Variants in PTP4A1 observed in about 807,000 individuals in gnomAD.
PTP4A1 encodes the protein protein tyrosine phosphatase type IVA 1.
A neutral mutation model predicts 20.5 loss-of-function variants in PTP4A1; 9 were observed. That is an observed-to-expected ratio of 0.44 (90% CI 0.26 to 0.77). The LOEUF (loss-of-function observed/expected upper bound fraction) is 0.77, where lower values mean the gene tolerates loss of function less well. Among genes scored for constraint, PTP4A1 ranks in the 30% least tolerant of loss-of-function variants. The probability of loss-of-function intolerance (pLI) is 0.19; values close to 1 mark genes in which losing one functional copy is unlikely to be tolerated. For synonymous variants in PTP4A1, 78 were observed against 67.4 expected (o/e 1.16, Z -0.77); for missense variants, 137 against 218.8 (o/e 0.63, Z 2.36).
In PTP4A1 at chr6:63,542,022, G is replaced by GGTGTGTGTGTGTGT. The variant is rs72091849; in HGVS notation, c.-639-8251_-639-8238dup. On this transcript the variant is annotated intron_variant, in intron 2 of 3. Coordinates refer to the PTP4A1 transcript ENST00000639568. ...CTCATTTGGTGGATAAAGAAACTGT[G>GGTGTGTGTGTGTGT]GTGTGTGTGTGTGTGTGTGTGTGTG... 4.1e-3 allele frequency among the ~76,000 whole-genome samples: 601 copies of GGTGTGTGTGTGTGT among 146,834 alleles called. 4 individuals carry two copies. Among genetic ancestry groups the GGTGTGTGTGTGTGT allele is most frequent in the African/African-American group, 0.014 (549 of 39,538 alleles).
intron 2 of PTP4A1, among the ~76,000 whole-genome samples, chr6:63,539,042 G>A (rs567200420): frequency 1.1e-4 from 16 of 152,042 alleles, no homozygotes; most frequent in South Asian, 8.3e-4. Flanking sequence ...ACAGGTGTGC[G>A]CCACCATACC....
chr6:63,542,334 C>G (rs933685240), intron 2 of PTP4A1, among the ~76,000 whole-genome samples: 1 of 151,532 alleles, frequency 6.6e-6, no homozygotes. Flanking sequence ...GTATACTGCT[C>G]GGGTGATGGG....
intron 1 of PTP4A1, chr6:63,527,727 A>G (rs1403471001): frequency 6.6e-6 from 1 of 152,206 alleles, no homozygotes; most frequent in Non-Finnish European, 1.5e-5. Context: ...GCTCTTTCAC[A>G]TACATTGCAT....
At chr6:63,559,718 C>T (rs891517056) in intron 3 of PTP4A1, among the ~76,000 whole-genome samples, 2 of 151,770 alleles carry the variant, frequency 1.3e-5, no homozygotes, top group South Asian at 2.1e-4. Context: ...GCACTCCAGC[C>T]TGGGTGACAG....
rs972471212 is a variant in PTP4A1, at chr6:63,548,893, G to C, written c.-639-1407G>C. 6 of 852,348 alleles carry C rather than the reference G, an allele frequency of 7.0e-6. No individual in the cohort carries two copies. The African/African-American group carries it at 9.9e-5, about 14-fold the overall frequency. The allele number at this position is 852,348 out of a possible 1,614,324, so 52.8% of individuals were successfully genotyped here. A position where few individuals can be genotyped will look rare whatever the true frequency, so the allele number is the denominator to read the frequency against. ...GCGCCTTTGTCTTCTGAGTTAACCT[G>C]TATGAAGGCGACAGTGGTGCAGGTC... On this transcript the variant is annotated intron_variant, in intron 2 of 3. Transcript: ENST00000639568.
In PTP4A1 at chr6:63,557,427, T is replaced by C. The variant is rs578008780; in HGVS notation, c.-446+6934T>C. On this transcript the variant is annotated intron_variant, in intron 3 of 3. Transcript: ENST00000639568. ...CTAAAAATACAAAAATTATCTGGTGTAGTGTGCGTGCCTGTAATCCCAGCT... is the reference window on the plus strand; with the variant it reads ...CTAAAAATACAAAAATTATCTGGTGCAGTGTGCGTGCCTGTAATCCCAGCT... 3.9e-5 allele frequency among the ~76,000 whole-genome samples: 6 copies of C among 151,922 alleles called. 1 individual carries two copies. The highest frequency in any genetic ancestry group is 1.4e-4 in the African/African-American group (6 of 41,444).
intron 1 of PTP4A1, among the ~76,000 whole-genome samples, chr6:63,574,817 G>T (rs1417396810): frequency 6.6e-6 from 1 of 152,158 alleles, no homozygotes; most frequent in Non-Finnish European, 1.5e-5. Flanking sequence ...AGAATTTGGG[G>T]TGAAAGTATA....
At chr6:63,569,966 G>T (rs1026716133), upstream of PTP4A1, among the ~76,000 whole-genome samples, 6 of 152,204 alleles carry the variant, frequency 3.9e-5, no homozygotes, top group Admixed American at 3.9e-4. Flanking sequence ...CAGCTTAAAA[G>T]TATTAAACTA....
Position 63,547,401 on chromosome 6 carries a change from G to A in PTP4A1, c.-639-2899G>A, listed in dbSNP as rs192306034. Reference sequence around the variant, plus strand: ...GATAGGATTTCACCATGTTGGCCAGGCTGGTCTTGAACTCCTGACCTCAAG... The same window carrying A: ...GATAGGATTTCACCATGTTGGCCAGACTGGTCTTGAACTCCTGACCTCAAG... On this transcript the variant is annotated intron_variant, in intron 2 of 3. Transcript: ENST00000639568. Among the ~76,000 whole-genome samples, 909 of 151,406 alleles carry A rather than the reference G, an allele frequency of 6.0e-3. 5 individuals carry two copies. The highest frequency in any genetic ancestry group is 9.1e-3 in the Non-Finnish European group (618 of 67,928).
At chr6:63,569,472 G>T (rs764100686), upstream of PTP4A1, among the ~76,000 whole-genome samples, 1 of 152,122 alleles carries the variant, frequency 6.6e-6, no homozygotes, top group East Asian at 1.9e-4. Context: ...GACCAGGCTG[G>T]TCTTGAACTC....
At chr6:63,578,783 G>T in intron 3 of PTP4A1, 115 bp from the exon 4 acceptor site, 1 of 1,177,158 alleles carries the variant, frequency 8.5e-7, no homozygotes, top group Non-Finnish European at 1.1e-6. Context: ...AATAAGATTT[G>T]ATTAAACATT....
intron 2 of PTP4A1, among the ~76,000 whole-genome samples, chr6:63,544,128 A>G (rs532796267): frequency 6.6e-6 from 1 of 152,306 alleles, no homozygotes; most frequent in Admixed American, 6.5e-5. Context: ...GGGAGTAAAG[A>G]CTACCAGACA....
intron 1 of PTP4A1, among the ~76,000 whole-genome samples, chr6:63,526,833 A>ATATATTTATT (rs1486980690): frequency 2.3e-5 from 3 of 128,056 alleles, no homozygotes; most frequent in Non-Finnish European, 4.9e-5. Context: ...ATATATATAT[A>ATATATTTATT]TATTTATTTA....
upstream of PTP4A1, among the ~76,000 whole-genome samples, chr6:63,570,015 T>A (rs1161321708): frequency 6.6e-6 from 1 of 152,214 alleles, no homozygotes; most frequent in Non-Finnish European, 1.5e-5. Context: ...TGAACCACAA[T>A]GGCAGCTGAC....
chr6:63,580,254 T>TAA lies in PTP4A1; in HGVS notation c.*80_*81insAA. ...TATACATATTAGCCAACATGTTGGC[T>TAA]TAGTAAGTCTAATGAAGCTTCCATA... On this transcript the variant is annotated 3_prime_UTR_variant, in exon 6 of 6. Transcript: ENST00000626021. 3.4e-6 allele frequency: 4 copies of TAA among 1,172,152 alleles called. No homozygotes were observed. The highest frequency in any genetic ancestry group is 5.1e-6 in the Non-Finnish European group (4 of 791,118). The allele number at this position is 1,172,152 out of a possible 1,614,324, so 72.6% of individuals were successfully genotyped here. A position where few individuals can be genotyped will look rare whatever the true frequency, so the allele number is the denominator to read the frequency against.
chr6:63,565,681 G>A (rs1777162700), intron 3 of PTP4A1, among the ~76,000 whole-genome samples: 1 of 152,114 alleles, frequency 6.6e-6, no homozygotes, highest in African/African-American at 2.4e-5. Context: ...TTTGTCCTTA[G>A]GCCAGATTCC....
At chr6:63,530,157 CA>C (rs1212857095) in intron 2 of PTP4A1, among the ~76,000 whole-genome samples, 3 of 152,092 alleles carry the variant, frequency 2.0e-5, no homozygotes, top group Middle Eastern at 3.4e-3. Flanking sequence ...TGGAACCATC[CA>C]AAATGATATA....
chr6:63,553,933 G>T (rs928038815), intron 3 of PTP4A1, among the ~76,000 whole-genome samples: 1 of 152,140 alleles, frequency 6.6e-6, no homozygotes, highest in Non-Finnish European at 1.5e-5. Context: ...AAAAATAGCA[G>T]GGCATCAAAG....
chr6:63,517,924 A>G (rs1033151292), upstream of PTP4A1, among the ~76,000 whole-genome samples: 1 of 152,112 alleles, frequency 6.6e-6, no homozygotes, highest in Admixed American at 6.5e-5. Flanking sequence ...GAGTCCAGGC[A>G]AGTGGATCAC....
Sources: allele counts gnomAD v4.1 joint callset (sites outside exome capture counted in the v4.1 genomes callset), GRCh38; gene constraint gnomAD v4.1.1; transcripts MANE v1.5; gene names NCBI Gene and HGNC (gene_info 2026-07-23, HGNC 2026-07-21).